MAF: variants seen among roughly 807,000 people sequenced by gnomAD.
MAF encodes the protein transcription factor Maf.
In MAF, 10 loss-of-function variants were observed where a neutral mutation model predicts 22.0. The observed-to-expected ratio is 0.45, with a 90% CI of 0.28 to 0.77. MAF has a LOEUF of 0.77. Among genes scored for constraint, MAF ranks in the 30% least tolerant of loss-of-function variants. MAF has a pLI of 0.12. For synonymous variants in MAF, 337 were observed against 255.8 expected (o/e 1.32, Z -3.03); for missense variants, 544 against 548.4 (o/e 0.99, Z 0.08).
the MAF span, among the ~76,000 whole-genome samples, chr16:79,317,070 AT>A: frequency 6.6e-6 from 1 of 152,006 alleles, no homozygotes; most frequent in Non-Finnish European, 1.5e-5. Flanking sequence ...TCAGCCCTGG[AT>A]TTTTTGTTTC....
At chr16:79,202,707 A>C in the MAF span, 2 of 152,206 alleles carry the variant, frequency 1.3e-5, no homozygotes, top group Non-Finnish European at 2.9e-5. Flanking sequence ...GTTCAAGTAC[A>C]TGCCTTCATA....
chr16:79,261,657 C>A, the MAF span, among the ~76,000 whole-genome samples: 6 of 152,182 alleles, frequency 3.9e-5, no homozygotes, highest in Non-Finnish European at 7.3e-5. Flanking sequence ...GACGGCCTGC[C>A]CCGCCTGTCA....
At chr16:79,385,290 A>C in the MAF span, among the ~76,000 whole-genome samples, 20 of 152,268 alleles carry the variant, frequency 1.3e-4, no homozygotes, top group African/African-American at 3.6e-4. Flanking sequence ...TTATAAAGGC[A>C]ACAGAGTTGC....
the MAF span, among the ~76,000 whole-genome samples, chr16:79,354,904 G>A: frequency 6.6e-6 from 1 of 152,162 alleles, no homozygotes; most frequent in African/African-American, 2.4e-5. Flanking sequence ...CAGAGAGATA[G>A]TGTCAGATTA....
chr16:79,211,884 C>CTCCAACACAGATCCGCA, the MAF span: 1 of 1,582,174 alleles, frequency 6.3e-7, no homozygotes, highest in South Asian at 1.1e-5. Context: ...CCAAATGTCC[C>CTCCAACACAGATCCGCA]TCCAACACAG....
the MAF span, among the ~76,000 whole-genome samples, chr16:79,519,919 C>T: frequency 4.6e-5 from 7 of 152,338 alleles, no homozygotes; most frequent in Admixed American, 6.5e-5. Flanking sequence ...GTCCTCCATC[C>T]GGGACAGCGC....
chr16:79,584,480 T>A (rs1262069786), downstream of MAF, among the ~76,000 whole-genome samples: 1 of 152,326 alleles, frequency 6.6e-6, no homozygotes, highest in East Asian at 1.9e-4. Context: ...AGCTGAAATT[T>A]GATTTCTTTC....
chr16:79,240,687 A>C, the MAF span, among the ~76,000 whole-genome samples: 1 of 151,704 alleles, frequency 6.6e-6, no homozygotes, highest in South Asian at 2.1e-4. Context: ...ACAGCATTTG[A>C]GCTCTGCTAA....
At chr16:79,596,704 A>G (rs1913547199) in intron 1 of MAF, 1 of 1,040,358 alleles carries the variant, frequency 9.6e-7, no homozygotes, top group East Asian at 5.7e-5. Flanking sequence ...ACAGGATGTC[A>G]GTCCCTGAAA....
chr16:79,578,444 C>A, the MAF span, among the ~76,000 whole-genome samples: 1 of 151,932 alleles, frequency 6.6e-6, no homozygotes, highest in Non-Finnish European at 1.5e-5. Context: ...TACTTTCACA[C>A]GATGTATCAT....
At chr16:79,224,276 T>A in the MAF span, among the ~76,000 whole-genome samples, 2 of 152,174 alleles carry the variant, frequency 1.3e-5, no homozygotes, top group African/African-American at 2.4e-5. Context: ...ATTCTCGCAA[T>A]AGATGCAGAA....
the MAF span, among the ~76,000 whole-genome samples, chr16:79,478,740 C>T: frequency 6.6e-6 from 1 of 152,136 alleles, no homozygotes; most frequent in African/African-American, 2.4e-5. Context: ...CCCAGCATAC[C>T]TGGATGTCAT....
chr16:79,211,951 C>T, the MAF span: 2 of 1,536,706 alleles, frequency 1.3e-6, no homozygotes, highest in South Asian at 1.2e-5. Context: ...ATCTTAAGTA[C>T]CAATGGGAAG....
chr16:79,223,228 A>G, the MAF span, among the ~76,000 whole-genome samples: 1 of 152,238 alleles, frequency 6.6e-6, no homozygotes, highest in Admixed American at 6.5e-5. Context: ...AAACTGCACA[A>G]CTACATGGAA....
the MAF span, among the ~76,000 whole-genome samples, chr16:79,252,520 C>T: frequency 6.6e-6 from 1 of 152,126 alleles, no homozygotes; most frequent in East Asian, 1.9e-4. Flanking sequence ...GATAGAGTCT[C>T]ACTCTGTCAC....
At chr16:79,589,997 A>T (rs908657383), downstream of MAF, among the ~76,000 whole-genome samples, 5 of 152,128 alleles carry the variant, frequency 3.3e-5, no homozygotes, top group Non-Finnish European at 7.4e-5. Flanking sequence ...AGCTTCAGGC[A>T]ATCTTCGGGA....
the MAF span, among the ~76,000 whole-genome samples, chr16:79,397,358 T>C: frequency 6.6e-6 from 1 of 152,340 alleles, no homozygotes; most frequent in East Asian, 1.9e-4. Flanking sequence ...GTGCAGAGCA[T>C]ATGTCTTACT....
At chr16:79,404,814 G>A in the MAF span, among the ~76,000 whole-genome samples, 1 of 152,094 alleles carries the variant, frequency 6.6e-6, no homozygotes, top group Non-Finnish European at 1.5e-5. Context: ...CTGAGGGGTG[G>A]CAGCTAATGA....
the MAF span, among the ~76,000 whole-genome samples, chr16:79,301,920 T>A: frequency 6.6e-6 from 1 of 152,210 alleles, no homozygotes; most frequent in Non-Finnish European, 1.5e-5. Context: ...TTTCACAAGG[T>A]CTCACAGCCT....
Sources: allele counts gnomAD v4.1 joint callset (sites outside exome capture counted in the v4.1 genomes callset), GRCh38; gene constraint gnomAD v4.1.1; transcripts MANE v1.5; gene names NCBI Gene and HGNC (gene_info 2026-07-23, HGNC 2026-07-21).